The following DEPDC1B variants were observed in gnomAD, a reference collection of about 807,000 sequenced individuals.
DEPDC1B encodes the protein DEP domain containing 1B.
A neutral mutation model predicts 66.5 loss-of-function variants in DEPDC1B; 51 were observed. The ratio of observed to expected loss-of-function variants is 0.77; its 90% CI spans 0.61 to 0.97. DEPDC1B has a LOEUF of 0.97. Ranked by LOEUF, DEPDC1B falls within the 50% of genes least tolerant of loss-of-function variation. DEPDC1B has a pLI of 0.00. For synonymous variants in DEPDC1B, 226 were observed against 223.6 expected (o/e 1.01, Z -0.10); for missense variants, 552 against 637.1 (o/e 0.87, Z 1.44).
chr5:60,615,507 C>T (rs1040078114), intron 7 of DEPDC1B, among the ~76,000 whole-genome samples: 6 of 152,210 alleles, frequency 3.9e-5, no homozygotes, highest in African/African-American at 1.4e-4. Context: ...ATATCCCGTG[C>T]CTGGCTCGGA....
chr5:60,666,766 G>A (rs951631117), intron 2 of DEPDC1B, among the ~76,000 whole-genome samples: 2 of 152,074 alleles, frequency 1.3e-5, no homozygotes, highest in East Asian at 1.9e-4. Context: ...AGGTGGCACC[G>A]ACTACCCTAA....
chr5:60,642,958 A>G (rs1321296509), intron 5 of DEPDC1B, 99 bp from the exon 6 acceptor site: 4 of 833,614 alleles, frequency 4.8e-6, no homozygotes, highest in Non-Finnish European at 7.7e-6. Flanking sequence ...AAGTAATATG[A>G]ACCATATCTG....
At chr5:60,648,675 T>C (rs1467140866) in intron 2 of DEPDC1B, among the ~76,000 whole-genome samples, 1 of 152,208 alleles carries the variant, frequency 6.6e-6, no homozygotes, top group Non-Finnish European at 1.5e-5. Flanking sequence ...CTGAAAAGAA[T>C]ATCCAATAAC....
At chr5:60,615,309 G>A (rs1186652958) in intron 7 of DEPDC1B, among the ~76,000 whole-genome samples, 2 of 152,086 alleles carry the variant, frequency 1.3e-5, no homozygotes, top group Non-Finnish European at 2.9e-5. Context: ...GCAGGACAGT[G>A]GGTGCAGCAC....
At position 60,599,382 on chromosome 5, in the gene DEPDC1B, A is replaced by T. The variant is rs943814186; in HGVS notation, c.1243-122T>A. 4.9e-6 allele frequency: 3 copies of T among 612,300 alleles called. No homozygotes were observed. In the African/African-American group the frequency reaches 5.8e-5, roughly 12 times the overall value. 37.9% of individuals were successfully genotyped at this position (612,300 alleles called of 1,614,324 possible). ...TAGCAATGCCATGTTAGTCCTCAAAATTTGATTGGGGGAAACTCTATATTG... is the reference window on the plus strand; with the variant it reads ...TAGCAATGCCATGTTAGTCCTCAAATTTTGATTGGGGGAAACTCTATATTG... On this transcript the variant is annotated intron_variant, in intron 9 of 10. Coordinates refer to ENST00000265036, the MANE Select transcript of DEPDC1B (RefSeq NM_018369.3).
intron 2 of DEPDC1B, among the ~76,000 whole-genome samples, chr5:60,682,231 C>T (rs887350418): frequency 6.6e-6 from 1 of 152,066 alleles, no homozygotes; most frequent in Non-Finnish European, 1.5e-5. Context: ...TGGATGAAGC[C>T]GGAAACCACC....
chr5:60,667,708 T>A lies in DEPDC1B; in HGVS notation c.314+19254A>T, dbSNP rs189376926. Among the ~76,000 whole-genome samples, 899 of 104,204 alleles carry A rather than the reference T, an allele frequency of 8.6e-3. 12 individuals are homozygous for A. Among genetic ancestry groups the A allele is most frequent in the Non-Finnish European group, 0.012 (660 of 53,840 alleles). The allele number at this position is 104,204 out of a possible 152,430, so 68.4% of individuals were successfully genotyped here. On this transcript the variant is annotated intron_variant, in intron 2 of 10. Coordinates refer to ENST00000265036, the MANE Select transcript of DEPDC1B (RefSeq NM_018369.3). Reference sequence around the variant, plus strand: ...ATATAATGGATATTTTACATGTATATAAAATGGATATTTTACATATATATA... The same window carrying A: ...ATATAATGGATATTTTACATGTATAAAAAATGGATATTTTACATATATATA...
chr5:60,658,580 A>C (rs987749808), intron 2 of DEPDC1B, among the ~76,000 whole-genome samples: 1 of 100,284 alleles, frequency 1.0e-5, no homozygotes, highest in Non-Finnish European at 2.3e-5. Flanking sequence ...ACCTTTAAAC[A>C]TGGGCTTGTA....
chr5:60,618,443 T>C (rs1291649378), intron 7 of DEPDC1B, among the ~76,000 whole-genome samples: 6 of 152,024 alleles, frequency 3.9e-5, no homozygotes, highest in African/African-American at 2.4e-5. Context: ...CAATAAAAAA[T>C]GATAAAGGGG....
intron 7 of DEPDC1B, among the ~76,000 whole-genome samples, chr5:60,606,397 G>A (rs996101899): frequency 2.6e-5 from 4 of 151,890 alleles, no homozygotes; most frequent in African/African-American, 9.7e-5. Flanking sequence ...TTTCCACTTA[G>A]GCTATCTTTC....
chr5:60,686,663 C>A (rs1340273944), intron 2 of DEPDC1B, among the ~76,000 whole-genome samples: 6 of 152,166 alleles, frequency 3.9e-5, no homozygotes, highest in Non-Finnish European at 4.4e-5. Flanking sequence ...TTCAGATTCT[C>A]CAGGAGAAGT....
At chr5:60,627,807 A>AT (rs1752836295) in intron 7 of DEPDC1B, among the ~76,000 whole-genome samples, 1 of 152,136 alleles carries the variant, frequency 6.6e-6, no homozygotes, top group African/African-American at 2.4e-5. Context: ...CTTTTTCAAA[A>AT]TAAAAAAAAG....
At chr5:60,665,370 G>T (rs1429812810) in intron 2 of DEPDC1B, among the ~76,000 whole-genome samples, 1 of 152,144 alleles carries the variant, frequency 6.6e-6, no homozygotes, top group Non-Finnish European at 1.5e-5. Context: ...GTGTGCCAAA[G>T]AAATAATCCC....
intron 2 of DEPDC1B, among the ~76,000 whole-genome samples, chr5:60,685,412 C>T (rs1405669760): frequency 1.3e-5 from 2 of 151,474 alleles, no homozygotes; most frequent in East Asian, 1.9e-4. Flanking sequence ...AAAAAAAATA[C>T]TGCTCCATTT....
intron 7 of DEPDC1B, among the ~76,000 whole-genome samples, chr5:60,614,599 G>C (rs553068323): frequency 1.6e-4 from 25 of 152,134 alleles, no homozygotes; most frequent in Middle Eastern, 3.4e-3. Context: ...TTAATATTTA[G>C]ATGTAATATG....
chr5:60,627,247 A>G (rs1272154149), intron 7 of DEPDC1B, among the ~76,000 whole-genome samples: 5 of 152,290 alleles, frequency 3.3e-5, no homozygotes, highest in Non-Finnish European at 7.4e-5. Context: ...TGACAAAGGT[A>G]TAGAAAAAAA....
chr5:60,601,280 G>T (rs1275528875), intron 9 of DEPDC1B, among the ~76,000 whole-genome samples: 5 of 152,138 alleles, frequency 3.3e-5, no homozygotes, highest in Non-Finnish European at 5.9e-5. Flanking sequence ...TTTCTTTAGG[G>T]TTGGCTCATA....
chr5:60,623,072 C>A (rs1031445019), intron 7 of DEPDC1B, among the ~76,000 whole-genome samples: 2 of 152,052 alleles, frequency 1.3e-5, no homozygotes, highest in Non-Finnish European at 2.9e-5. Context: ...TGCAAAATTG[C>A]AAGAATTTTT....
In DEPDC1B at chr5:60,597,747, GTAT is replaced by G. The variant is rs1752124747; in HGVS notation, c.*3_*5del. The G allele has an allele frequency of 1.2e-5, 19 of 1,611,556 alleles. No homozygotes were observed. The East Asian group carries it at 3.8e-4, about 32-fold the overall frequency. ...GTCTCTAGCACCTGTTGCTGTGGAA[GTAT>G]TATTACATTCGAAAACTTCTAGTTC... On this transcript the variant is annotated 3_prime_UTR_variant, in exon 11 of 11. Coordinates refer to ENST00000265036, the MANE Select transcript of DEPDC1B (RefSeq NM_018369.3).
Sources: allele counts gnomAD v4.1 joint callset (sites outside exome capture counted in the v4.1 genomes callset), GRCh38; gene constraint gnomAD v4.1.1; transcripts MANE v1.5; gene names NCBI Gene and HGNC (gene_info 2026-07-23, HGNC 2026-07-21).